DNAJC9: variants seen among roughly 807,000 people sequenced by gnomAD.
The protein encoded by DNAJC9 is dnaJ homolog subfamily C member 9.
A neutral mutation model predicts 32.4 loss-of-function variants in DNAJC9; 18 were observed. That is an observed-to-expected ratio of 0.56 (90% CI 0.38 to 0.82). The LOEUF (loss-of-function observed/expected upper bound fraction) is 0.82. Ranked by LOEUF, DNAJC9 falls within the 40% of genes least tolerant of loss-of-function variation. The probability of loss-of-function intolerance (pLI) is 0.00; values close to 1 mark genes in which losing one functional copy is unlikely to be tolerated. For synonymous variants in DNAJC9, 113 were observed against 122.1 expected (o/e 0.93, Z 0.49); for missense variants, 310 against 321.8 (o/e 0.96, Z 0.28).
Position 73,246,797 on chromosome 10 carries a change from T to C in DNAJC9, c.212A>G (p.Asp71Gly), listed in dbSNP as rs1473976150. ...ATCGTACACTGCTCTCTGTTCTCTG[T>C]CACTGAGAACGGAATAGACTTTTCC... ...ILGKVYSVLS[D>G]REQRAVYDEQ... Residue 71 changes from aspartate (D) to glycine (G), a missense_variant, in exon 2 of 5, where the codon GAC becomes GGC. Physicochemically the swap from Asp to Gly is moderately conservative, Grantham distance 94. Coordinates refer to ENST00000372950, the MANE Select transcript of DNAJC9 (RefSeq NM_015190.5). 6.2e-7 allele frequency: 1 copy of C among 1,614,056 alleles called. No homozygotes were observed. Among genetic ancestry groups the C allele is most frequent in the Admixed American group, 1.7e-5 (1 of 59,994 alleles).
intron 2 of DNAJC9, 104 bp from the exon 3 acceptor site, chr10:73,246,280 T>TAA: frequency 1.6e-6 from 2 of 1,259,248 alleles, no homozygotes; most frequent in South Asian, 2.8e-5. Context: ...ATACAACAGT[T>TAA]GCTTGAGTTG....
chr10:73,244,036 G>A, intron 3 of DNAJC9, 107 bp from the exon 4 acceptor site: 1 of 864,958 alleles, frequency 1.2e-6, no homozygotes, highest in Non-Finnish European at 1.8e-6. Flanking sequence ...ATGAATATAT[G>A]AATAGACAAA....
downstream of DNAJC9, chr10:73,234,777 C>G: frequency 6.5e-7 from 1 of 1,547,434 alleles, no homozygotes; most frequent in East Asian, 2.4e-5. Context: ...GTTATAACTT[C>G]ATGCTTTCAT....
downstream of DNAJC9, chr10:73,241,342 A>G (rs1426252519): frequency 1.9e-4 from 61 of 317,952 alleles, 2 homozygotes; most frequent in South Asian, 1.6e-3. Flanking sequence ...GTTCAATCAT[A>G]TAGGATTTGA....
At chr10:73,239,458 C>A, downstream of DNAJC9, 4 of 1,049,150 alleles carry the variant, frequency 3.8e-6, no homozygotes, top group Non-Finnish European at 5.6e-6. Flanking sequence ...TTTTTTCCTA[C>A]ACCTATTTCC....
At chr10:73,234,823 G>A, downstream of DNAJC9, 2 of 1,551,428 alleles carry the variant, frequency 1.3e-6, no homozygotes, top group Non-Finnish European at 1.7e-6. Context: ...GCAGCCCAGT[G>A]GCACCCGACT....
At chr10:73,243,668 T>C (rs966195553) in intron 4 of DNAJC9, 149 bp from the exon 5 acceptor site, 3 of 1,193,648 alleles carry the variant, frequency 2.5e-6, no homozygotes, top group Non-Finnish European at 3.5e-6. Flanking sequence ...TTGGTGTTAA[T>C]AATTGTAAAA....
chr10:73,241,220 G>A, downstream of DNAJC9: 1 of 536,694 alleles, frequency 1.9e-6, no homozygotes, highest in Non-Finnish European at 3.4e-6. Context: ...TCCAGTTACT[G>A]TCTCTTTCAG....
At chr10:73,244,778 A>G (rs1168298735) in intron 3 of DNAJC9, among the ~76,000 whole-genome samples, 1 of 152,216 alleles carries the variant, frequency 6.6e-6, no homozygotes, top group Non-Finnish European at 1.5e-5. Flanking sequence ...CAACTATAAG[A>G]GGCCCCAACA....
At chr10:73,234,648 A>G (rs2043781752), downstream of DNAJC9, 3 of 702,460 alleles carry the variant, frequency 4.3e-6, no homozygotes, top group Non-Finnish European at 6.9e-6. Context: ...ACTATTTTAA[A>G]AACTAATTTT....
intron 4 of DNAJC9, 31 bp from the exon 5 acceptor site, chr10:73,243,550 C>G (rs373612378): frequency 9.9e-6 from 16 of 1,613,262 alleles, no homozygotes; most frequent in Non-Finnish European, 1.4e-5. Context: ...CAAGCTTTCA[C>G]AACATTATCC....
intron 1 of DNAJC9, 53 bp downstream of exon 1, chr10:73,246,957 G>A (rs917793628): frequency 6.4e-7 from 1 of 1,558,968 alleles, no homozygotes; most frequent in Admixed American, 1.9e-5. Flanking sequence ...GTAGCCAAAA[G>A]GCTAGGGGGA....
chr10:73,240,855 A>G (rs1023945782), downstream of DNAJC9: 10 of 757,290 alleles, frequency 1.3e-5, no homozygotes, highest in Non-Finnish European at 2.3e-5. Context: ...AGTCCAATTC[A>G]TAATTGGAGC....
Position 73,243,462 on chromosome 10 carries a change from T to C in DNAJC9, c.721A>G (p.Lys241Glu), listed in dbSNP as rs2043975973. 2 of 1,614,084 alleles carry C rather than the reference T, an allele frequency of 1.2e-6. No individual in the cohort carries two copies. Among genetic ancestry groups the C allele is most frequent in the Non-Finnish European group, 1.7e-6 (2 of 1,179,944 alleles). The change falls in exon 5 of 5, where the codon AAG (lysine) becomes GAG (glutamate). Residue 241 changes from lysine (K) to glutamate (E), a missense_variant. Lys to Glu is a moderately conservative substitution (Grantham distance 56, BLOSUM62 1). Transcript: ENST00000372950. ...MDNFLAQMEA[K>E]YCKSSKGGGK... Reference sequence around the variant, plus strand: ...CCTCCTTTGGAAGATTTGCAGTACTTTGCTTCCATCTGAGCCAGAAAATTG... The same window carrying C: ...CCTCCTTTGGAAGATTTGCAGTACTCTGCTTCCATCTGAGCCAGAAAATTG...
chr10:73,235,106 C>A (rs1589195270), downstream of DNAJC9: 1 of 1,469,798 alleles, frequency 6.8e-7, no homozygotes, highest in East Asian at 2.5e-5. Flanking sequence ...CTGCACTTAC[C>A]ATATCTGCCA....
chr10:73,247,198 G>C lies in DNAJC9; in HGVS notation c.-9C>G, dbSNP rs553473051. On this transcript the variant is annotated 5_prime_UTR_variant, in exon 1 of 5. Coordinates refer to ENST00000372950, the MANE Select transcript of DNAJC9 (RefSeq NM_015190.5). ...AGGTCCAGCAGCCCCATGCCGGGCG[G>C]AGATACGACCCCGGAGGAAGCAGCC... The C allele has an allele frequency of 2.1e-5, 34 of 1,586,138 alleles. No individual in the cohort carries two copies. The highest frequency in any genetic ancestry group is 2.7e-5 in the Non-Finnish European group (32 of 1,167,440).
Position 73,246,824 on chromosome 10 carries a change from AG to A in DNAJC9, c.184del (p.Leu62TrpfsTer49), listed in dbSNP as rs755826337. ...ACTGAGAACGGAATAGACTTTTCCC[AG>A]GATCTGAGGGCAAAGAGTATCCGTA... ...KEDATRRFQI[L>X]GKVYSVLSDR... is the part of the protein sequence containing the mutation. On this transcript the variant is annotated frameshift_variant, in exon 2 of 5. Coordinates refer to ENST00000372950, the MANE Select transcript of DNAJC9 (RefSeq NM_015190.5). LOFTEE classifies it high-confidence loss of function. The A allele has an allele frequency of 4.3e-6, 7 of 1,613,974 alleles. No homozygotes were observed. The Admixed American group carries it at 8.3e-5, about 19-fold the overall frequency.
chr10:73,235,586 T>TC, downstream of DNAJC9: 1 of 551,682 alleles, frequency 1.8e-6, no homozygotes. Flanking sequence ...GAATATTAAA[T>TC]CCCAGTACAC....
At chr10:73,241,172 C>T (rs1463541913), downstream of DNAJC9, 5 of 609,790 alleles carry the variant, frequency 8.2e-6, no homozygotes. Context: ...GAACAAAACA[C>T]CATAGCAGCC....
Sources: gnomAD v4.1 joint callset for allele counts (sites outside exome capture counted in the v4.1 genomes callset) on GRCh38, gnomAD v4.1.1 for gene constraint, MANE v1.5 for transcripts, NCBI Gene and HGNC (gene_info 2026-07-23, HGNC 2026-07-21) for gene names.